Variants in TPTE2 observed in about 807,000 individuals in gnomAD.
TPTE2 encodes phosphatidylinositol 3,4,5-trisphosphate 3-phosphatase TPTE2.
TPTE2 carries 53 observed loss-of-function variants against 78.6 expected under a neutral mutation model. The observed-to-expected ratio is 0.67, with a 90% CI of 0.54 to 0.85. The LOEUF (loss-of-function observed/expected upper bound fraction) is 0.85. Among genes scored for constraint, TPTE2 ranks in the 40% least tolerant of loss-of-function variants. The pLI, the probability that TPTE2 is intolerant of heterozygous loss-of-function variation, is 0.00. For missense variants in TPTE2, 461 were observed against 623.0 expected, an observed-to-expected ratio of 0.74 and a Z score of 2.77; for synonymous variants, 175 against 206.2, an observed-to-expected ratio of 0.85 and a Z score of 1.30.
At chr13:19,534,664 A>T (rs1419884216) in intron 1 of TPTE2, among the ~76,000 whole-genome samples, 1 of 152,182 alleles carries the variant, frequency 6.6e-6, no homozygotes, top group East Asian at 1.9e-4. Flanking sequence ...TGTTTTCAGG[A>T]ATTGCTTAGT....
chr13:19,533,635 T>C (rs974965916), intron 1 of TPTE2, among the ~76,000 whole-genome samples: 1 of 152,222 alleles, frequency 6.6e-6, no homozygotes, highest in African/African-American at 2.4e-5. Flanking sequence ...ATACATTACC[T>C]CATTCAATTC....
intron 10 of TPTE2, among the ~76,000 whole-genome samples, chr13:19,459,129 G>A (rs1252130816): frequency 1.3e-5 from 2 of 151,950 alleles, no homozygotes; most frequent in African/African-American, 4.8e-5. Flanking sequence ...GGCATGAGAT[G>A]GTATCTCATT....
intron 1 of TPTE2, among the ~76,000 whole-genome samples, chr13:19,522,948 A>T (rs1870261261): frequency 6.6e-6 from 1 of 152,006 alleles, no homozygotes; most frequent in South Asian, 2.1e-4. Context: ...TTTTGTTAGC[A>T]TATTGTGTAT....
rs142110104 is a variant in TPTE2 at position 19,473,058 on chromosome 13, GTCTC to G, written c.392+852_392+855del. On this transcript the variant is annotated intron_variant, in intron 6 of 19. Coordinates refer to ENST00000400230, the Ensembl canonical transcript of TPTE2. Reference sequence around the variant, plus strand: ...TCCCTTACATTCTCCCAAACAAAGAGTCTCTCTCTCTCTCTGTTCTGAGGCACCT... The same window carrying G: ...TCCCTTACATTCTCCCAAACAAAGAGTCTCTCTCTCTGTTCTGAGGCACCT... Among the ~76,000 whole-genome samples, 235 of 151,480 alleles carry G rather than the reference GTCTC, an allele frequency of 1.6e-3. 6 individuals are homozygous for G. In the East Asian group the frequency reaches 0.037, roughly 24 times the overall value.
intron 3 of TPTE2, among the ~76,000 whole-genome samples, chr13:19,485,225 T>C (rs1477843797): frequency 1.3e-5 from 2 of 152,202 alleles, no homozygotes; most frequent in Non-Finnish European, 2.9e-5. Context: ...CTTGAGCATT[T>C]CTTGTAAGGC....
At chr13:19,467,283 G>A (rs776437343) in exon 7 of TPTE2, 13 of 1,592,618 alleles carry the variant, frequency 8.2e-6, no homozygotes, top group Admixed American at 1.8e-5. Context: ...TCAACCAGCA[G>A]AGGAATCACA....
intron 1 of TPTE2, among the ~76,000 whole-genome samples, chr13:19,531,498 T>C (rs1205413130): frequency 2.6e-5 from 4 of 152,288 alleles, no homozygotes; most frequent in Non-Finnish European, 4.4e-5. Context: ...TTATCTTTTT[T>C]CTTCTGTTTC....
chr13:19,473,597 C>CCT (rs1555252205), intron 6 of TPTE2, among the ~76,000 whole-genome samples: 2 of 129,132 alleles, frequency 1.5e-5, no homozygotes, highest in Admixed American at 8.4e-5. Flanking sequence ...TTTTAAAATG[C>CCT]TTTTTTTTTT....
At chr13:19,524,825 A>G (rs1209196515) in intron 1 of TPTE2, among the ~76,000 whole-genome samples, 1 of 152,206 alleles carries the variant, frequency 6.6e-6, no homozygotes, top group Non-Finnish European at 1.5e-5. Context: ...GAAAAAGATC[A>G]TAATGAACAA....
intron 1 of TPTE2, among the ~76,000 whole-genome samples, chr13:19,523,922 A>G (rs140950983): frequency 0.025 from 3,857 of 152,238 alleles, 130 homozygotes; most frequent in African/African-American, 0.074. Context: ...AAAACCAAAA[A>G]CCTAGAGCTT....
chr13:19,528,828 G>A lies in TPTE2; in HGVS notation c.-44+7768C>T, dbSNP rs114529416. The stretch of plus-strand genomic sequence containing the variant: ...CTGCTACTTGGCTTCCCCAGTAAAA[G>A]CTCAGACTTGGCTGGGTGTGGTGGC... On this transcript the variant is annotated intron_variant, in intron 1 of 17. Coordinates refer to the TPTE2 transcript ENST00000390680. Among the ~76,000 whole-genome samples the A allele has an allele frequency of 6.7e-3, 1,021 of 152,200 alleles. 8 individuals are homozygous for A. Among genetic ancestry groups the A allele is most frequent in the African/African-American group, 0.022 (904 of 41,538 alleles).
intron 1 of TPTE2, among the ~76,000 whole-genome samples, chr13:19,519,188 T>C (rs1302607843): frequency 6.6e-6 from 1 of 152,168 alleles, no homozygotes; most frequent in African/African-American, 2.4e-5. Flanking sequence ...AGCAACCATT[T>C]TGAAATATGC....
upstream of TPTE2, chr13:19,503,403 C>CCTG: frequency 1.0e-6 from 1 of 968,138 alleles, no homozygotes; most frequent in Non-Finnish European, 1.5e-6. Flanking sequence ...GTGTATAGCA[C>CCTG]TATTTGGTCT....
At chr13:19,529,505 A>G (rs759401038) in intron 1 of TPTE2, among the ~76,000 whole-genome samples, 6 of 152,220 alleles carry the variant, frequency 3.9e-5, no homozygotes, top group African/African-American at 1.4e-4. Flanking sequence ...CACAGTAATA[A>G]TAGTGAACAC....
intron 10 of TPTE2, among the ~76,000 whole-genome samples, chr13:19,451,857 C>A (rs1433627579): frequency 7.2e-6 from 1 of 138,778 alleles, no homozygotes; most frequent in Non-Finnish European, 1.6e-5. Flanking sequence ...ATATGTATAA[C>A]CTTTAAAATG....
At chr13:19,560,715 C>T in the TPTE2 span, 10 of 1,492,336 alleles carry the variant, frequency 6.7e-6, no homozygotes, top group Non-Finnish European at 9.2e-6. Flanking sequence ...CTGGGCCTGT[C>T]GTCTGGGGGC....
intron 4 of TPTE2, among the ~76,000 whole-genome samples, chr13:19,477,793 G>A (rs1200935171): frequency 6.6e-6 from 1 of 152,184 alleles, no homozygotes; most frequent in Non-Finnish European, 1.5e-5. Flanking sequence ...TAAAAAAAGT[G>A]TACTATGTAA....
chr13:19,551,583 C>T, the TPTE2 span, among the ~76,000 whole-genome samples: 6 of 98,210 alleles, frequency 6.1e-5, no homozygotes, highest in African/African-American at 1.6e-4. Context: ...GAGAATCCCT[C>T]TCAAAAAACA....
intron 15 of TPTE2, among the ~76,000 whole-genome samples, chr13:19,433,502 C>T (rs1204552278): frequency 2.0e-5 from 3 of 152,102 alleles, no homozygotes; most frequent in Non-Finnish European, 2.9e-5. Flanking sequence ...GACTCTGTCT[C>T]AAAAATTAAA....
Sources: gnomAD v4.1 joint callset for allele counts (sites outside exome capture counted in the v4.1 genomes callset) on GRCh38, gnomAD v4.1.1 for gene constraint, MANE v1.5 for transcripts, NCBI Gene and HGNC (gene_info 2026-07-23, HGNC 2026-07-21) for gene names.